The following PLD1 variants were observed in gnomAD, a reference collection of about 807,000 sequenced individuals.
The protein encoded by PLD1 is choline phosphatase 1.
A neutral mutation model predicts 137.1 loss-of-function variants in PLD1; 112 were observed. The observed-to-expected ratio is 0.82, with a 90% confidence interval of 0.70 to 0.96. The LOEUF (loss-of-function observed/expected upper bound fraction) is 0.96, where lower values mean the gene tolerates loss of function less well. Among genes scored for constraint, PLD1 ranks in the 40% least tolerant of loss-of-function variants. The pLI, the probability that PLD1 is intolerant of heterozygous loss-of-function variation, is 0.00. For missense variants in PLD1, 1,321 were observed against 1,342.0 expected, an observed-to-expected ratio of 0.98 and a Z score of 0.24; for synonymous variants, 431 against 454.7, an observed-to-expected ratio of 0.95 and a Z score of 0.66.
intron 19 of PLD1, 63 bp downstream of exon 19, chr3:171,674,437 G>T: frequency 2.4e-6 from 2 of 819,896 alleles, no homozygotes; most frequent in Non-Finnish European, 2.0e-6. Flanking sequence ...TAGGCCCTTG[G>T]TCCAATAACA....
At chr3:171,713,175 C>T (rs980825919) in intron 9 of PLD1, among the ~76,000 whole-genome samples, 5 of 152,182 alleles carry the variant, frequency 3.3e-5, no homozygotes, top group African/African-American at 9.7e-5. Context: ...AGATATCTTT[C>T]TTGGCCAGGC....
chr3:171,728,833 T>C (rs1718723599), intron 6 of PLD1, among the ~76,000 whole-genome samples: 1 of 152,076 alleles, frequency 6.6e-6, no homozygotes, highest in Non-Finnish European at 1.5e-5. Flanking sequence ...ATGTAGAAAA[T>C]TGAAAGTTAC....
At chr3:171,750,832 C>A (rs896567042) in intron 1 of PLD1, among the ~76,000 whole-genome samples, 1 of 152,168 alleles carries the variant, frequency 6.6e-6, no homozygotes, top group African/African-American at 2.4e-5. Context: ...GAATTTCTTA[C>A]AGAACCTGAC....
At chr3:171,688,093 C>T (rs1211390571) in intron 14 of PLD1, among the ~76,000 whole-genome samples, 2 of 152,118 alleles carry the variant, frequency 1.3e-5, no homozygotes, top group Non-Finnish European at 2.9e-5. Context: ...GATTGATATA[C>T]ACTTTTTTTA....
chr3:171,733,502 A>T lies in PLD1; in HGVS notation c.548T>A (p.Leu183Gln). The T allele has an allele frequency of 7.8e-7, 1 of 1,277,144 alleles. No homozygotes were observed. Among genetic ancestry groups the T allele is most frequent in the Non-Finnish European group, 1.1e-6 (1 of 879,370 alleles). 79.1% of individuals were successfully genotyped at this position (1,277,144 alleles called of 1,614,324 possible). A position where few individuals can be genotyped will look rare whatever the true frequency, so the allele number is the denominator to read the frequency against. The change falls in exon 6 of 27, where the codon CTG (leucine) becomes CAG (glutamine). Residue 183 changes from leucine to glutamine, a missense_variant. Transcript: ENST00000351298. ...TAGTATCTTTGTCAAGTAATCTTCC[A>T]GTTGTTTCTGTAATGCAAATATTTT... is the stretch of plus-strand genomic sequence containing the variant. ...EEQFLGRRKQ[L>Q]EDYLTKILKM...
chr3:171,667,648 T>C (rs1712283284), intron 19 of PLD1, among the ~76,000 whole-genome samples: 1 of 152,208 alleles, frequency 6.6e-6, no homozygotes, highest in South Asian at 2.1e-4. Context: ...TTTGCTCTGC[T>C]AGAGCCCCAG....
chr3:171,693,376 C>T (rs1715388107), intron 12 of PLD1, among the ~76,000 whole-genome samples: 1 of 152,062 alleles, frequency 6.6e-6, no homozygotes, highest in Non-Finnish European at 1.5e-5. Flanking sequence ...TATAGAAAAA[C>T]ACTGGTATTT....
chr3:171,722,687 C>T (rs1332307990), intron 8 of PLD1, among the ~76,000 whole-genome samples: 1 of 152,090 alleles, frequency 6.6e-6, no homozygotes, highest in African/African-American at 2.4e-5. Context: ...GATTTTTATT[C>T]AGATGTAATT....
At chr3:171,767,741 A>C (rs1722073539) in intron 1 of PLD1, among the ~76,000 whole-genome samples, 1 of 152,190 alleles carries the variant, frequency 6.6e-6, no homozygotes. Flanking sequence ...AGGATTAAGG[A>C]AAAGGCTTAG....
At chr3:171,699,615 T>C (rs1716059990) in intron 12 of PLD1, 130 bp downstream of exon 12, 1 of 681,428 alleles carries the variant, frequency 1.5e-6, no homozygotes, top group South Asian at 1.9e-5. Context: ...CTGGAAAACA[T>C]TAGTTATCCT....
At chr3:171,689,049 GA>G (rs796136040) in intron 13 of PLD1, among the ~76,000 whole-genome samples, 173 bp from the exon 14 acceptor site, 1,852 of 144,994 alleles carry the variant, frequency 0.013, 34 homozygotes, top group African/African-American at 0.044. Flanking sequence ...AAAAGAAAAA[GA>G]AAAAAAAAAG....
At chr3:171,677,093 G>T (rs1713450583) in intron 17 of PLD1, among the ~76,000 whole-genome samples, 1 of 152,118 alleles carries the variant, frequency 6.6e-6, no homozygotes, top group South Asian at 2.1e-4. Context: ...GATGTGAGTT[G>T]GTACAAATTA....
chr3:171,623,902 A>G (rs567772737), intron 23 of PLD1, among the ~76,000 whole-genome samples: 1 of 152,170 alleles, frequency 6.6e-6, no homozygotes, highest in Non-Finnish European at 1.5e-5. Flanking sequence ...AGAGATAAAA[A>G]TGTAAGCAAA....
intron 3 of PLD1, among the ~76,000 whole-genome samples, chr3:171,736,722 G>C (rs970803826): frequency 6.6e-6 from 1 of 152,156 alleles, no homozygotes; most frequent in Non-Finnish European, 1.5e-5. Context: ...TTATTAATCT[G>C]TGCTTCCCCT....
intron 1 of PLD1, among the ~76,000 whole-genome samples, chr3:171,746,003 C>T (rs1057201347): frequency 1.4e-5 from 2 of 137,954 alleles, no homozygotes; most frequent in South Asian, 2.2e-4. Flanking sequence ...CCACCGGCCC[C>T]GGGCAGTGAG....
intron 16 of PLD1, among the ~76,000 whole-genome samples, chr3:171,684,202 A>G (rs951896414): frequency 2.0e-5 from 3 of 152,158 alleles, no homozygotes; most frequent in African/African-American, 7.2e-5. Context: ...CACCTCACTC[A>G]CATCTTTTCC....
intron 1 of PLD1, among the ~76,000 whole-genome samples, chr3:171,808,346 C>T (rs1394199181): frequency 2.0e-5 from 3 of 152,070 alleles, no homozygotes; most frequent in African/African-American, 4.8e-5. Context: ...ACCATCCTGG[C>T]TAACACGGTG....
chr3:171,674,305 A>C (rs1259327798), intron 19 of PLD1, among the ~76,000 whole-genome samples, 195 bp downstream of exon 19: 2 of 152,224 alleles, frequency 1.3e-5, no homozygotes, highest in Non-Finnish European at 2.9e-5. Context: ...TATATTTATA[A>C]GAGTTTTAAA....
chr3:171,640,726 G>C (rs922505190), intron 23 of PLD1, among the ~76,000 whole-genome samples: 3 of 152,204 alleles, frequency 2.0e-5, no homozygotes, highest in East Asian at 1.9e-4. Flanking sequence ...ATCCTTTCCT[G>C]AGCACGTGCA....
Sources: gnomAD v4.1 joint callset for allele counts (sites outside exome capture counted in the v4.1 genomes callset) on GRCh38, gnomAD v4.1.1 for gene constraint, MANE v1.5 for transcripts, NCBI Gene and HGNC (gene_info 2026-07-23, HGNC 2026-07-21) for gene names.